SNX29: variants seen among roughly 807,000 people sequenced by gnomAD.
SNX29 encodes the protein sorting nexin-29.
In SNX29, 78 loss-of-function variants were observed where a neutral mutation model predicts 102.1. That is an observed-to-expected ratio of 0.76 (90% confidence interval 0.64 to 0.92). The LOEUF (loss-of-function observed/expected upper bound fraction) is 0.92, where lower values mean the gene tolerates loss of function less well. Among genes scored for constraint, SNX29 ranks in the 40% least tolerant of loss-of-function variants. SNX29 has a pLI of 0.00. For missense variants in SNX29, 1,280 were observed against 1,061.7 expected (o/e 1.21, Z -2.86); for synonymous variants, 580 against 414.5 (o/e 1.40, Z -4.85).
chr16:12,548,486 C>T (rs1394507103), intron 20 of SNX29, among the ~76,000 whole-genome samples: 2 of 152,224 alleles, frequency 1.3e-5, no homozygotes, highest in African/African-American at 2.4e-5. Context: ...TTCAGGATGA[C>T]TAGTCAGGGT....
intron 13 of SNX29, among the ~76,000 whole-genome samples, chr16:12,194,176 A>G (rs1019793013): frequency 6.6e-6 from 1 of 152,156 alleles, no homozygotes; most frequent in Non-Finnish European, 1.5e-5. Flanking sequence ...AGTATTTTGT[A>G]GTTTTCAGCA....
At chr16:12,227,550 A>G (rs564783900) in intron 14 of SNX29, among the ~76,000 whole-genome samples, 2 of 152,268 alleles carry the variant, frequency 1.3e-5, no homozygotes, top group Non-Finnish European at 1.5e-5. Flanking sequence ...ACTGGAGCTT[A>G]TCTTACACAA....
At chr16:12,017,429 A>T (rs2056884547) in intron 3 of SNX29, among the ~76,000 whole-genome samples, 1 of 151,956 alleles carries the variant, frequency 6.6e-6, no homozygotes, top group Non-Finnish European at 1.5e-5. Flanking sequence ...GTAGAAACAG[A>T]GTTTTTGTGA....
chr16:12,547,368 C>T (rs912986941), intron 20 of SNX29, among the ~76,000 whole-genome samples: 4 of 152,136 alleles, frequency 2.6e-5, no homozygotes, highest in African/African-American at 4.8e-5. Flanking sequence ...GTGGAGTCAG[C>T]AAAGGGTAGA....
At chr16:11,987,405 T>A (rs1455605253) in intron 1 of SNX29, among the ~76,000 whole-genome samples, 1 of 9,536 alleles carries the variant, frequency 1.0e-4, no homozygotes, top group Non-Finnish European at 5.4e-4. Flanking sequence ...CTTTTACTCT[T>A]TTTTTTTTTT....
At chr16:12,566,202 G>T (rs1221328093) in intron 20 of SNX29, among the ~76,000 whole-genome samples, 1 of 152,328 alleles carries the variant, frequency 6.6e-6, no homozygotes, top group East Asian at 1.9e-4. Flanking sequence ...TACCACCACA[G>T]TACTAGGATA....
In SNX29 at chr16:12,570,280, G is replaced by C. The variant is rs890893; in HGVS notation, c.*1651G>C. ...CATGTATGGAGGTGCGGACCCTGCA[G>C]TCAGTTTGCGAGTGTGGAGGACCCG... On this transcript the variant is annotated 3_prime_UTR_variant, in exon 21 of 21. Coordinates refer to ENST00000566228, the MANE Select transcript of SNX29 (RefSeq NM_032167.5). 9.4e-7 allele frequency: 1 copy of C among 1,063,564 alleles called. No individual in the cohort carries two copies. Among genetic ancestry groups the C allele is most frequent in the Non-Finnish European group, 1.1e-6 (1 of 878,140 alleles). The allele number at this position is 1,063,564 out of a possible 1,614,324, so 65.9% of individuals were successfully genotyped here.
chr16:12,232,065 T>G (rs1218848749), intron 14 of SNX29, among the ~76,000 whole-genome samples: 1 of 152,196 alleles, frequency 6.6e-6, no homozygotes, highest in Non-Finnish European at 1.5e-5. Flanking sequence ...GTCCTGCCCT[T>G]CTGGTTGTGT....
At chr16:12,171,369 T>A (rs1345175948) in intron 13 of SNX29, among the ~76,000 whole-genome samples, 4 of 152,162 alleles carry the variant, frequency 2.6e-5, no homozygotes, top group Non-Finnish European at 5.9e-5. Context: ...GTTAGTCCCA[T>A]CTTTTGGATC....
chr16:12,027,783 A>G (rs1266357966), intron 4 of SNX29: 2 of 181,418 alleles, frequency 1.1e-5, no homozygotes, highest in African/African-American at 4.8e-5. Flanking sequence ...TGAGGATAGC[A>G]TGGCATTTCA....
intron 19 of SNX29, among the ~76,000 whole-genome samples, chr16:12,506,850 C>T (rs1467988244): frequency 6.6e-6 from 1 of 150,998 alleles, no homozygotes; most frequent in Non-Finnish European, 1.5e-5. Flanking sequence ...CAGCTGAAAC[C>T]TTCTCATCTT....
intron 14 of SNX29, among the ~76,000 whole-genome samples, chr16:12,270,702 G>C (rs1277475389): frequency 2.0e-5 from 3 of 152,016 alleles, no homozygotes; most frequent in Admixed American, 6.6e-5. Context: ...TACATGAAAT[G>C]ATATCACCAT....
intron 13 of SNX29, among the ~76,000 whole-genome samples, chr16:12,196,065 TC>T (rs1567300084): frequency 1.5e-5 from 2 of 137,402 alleles, no homozygotes; most frequent in Non-Finnish European, 3.1e-5. Flanking sequence ...AACCTCCACC[TC>T]CCCGGCTCAA....
At chr16:12,463,391 C>T (rs1206190903) in intron 18 of SNX29, among the ~76,000 whole-genome samples, 1 of 152,180 alleles carries the variant, frequency 6.6e-6, no homozygotes, top group African/African-American at 2.4e-5. Flanking sequence ...TTCCACATGG[C>T]TAAGGAGGCC....
intron 18 of SNX29, among the ~76,000 whole-genome samples, chr16:12,426,520 T>G (rs1277218899): frequency 1.3e-5 from 2 of 152,172 alleles, no homozygotes; most frequent in African/African-American, 4.8e-5. Context: ...AAATATAATG[T>G]GCCTTCACAA....
At chr16:12,086,755 A>G (rs2052217178) in intron 11 of SNX29, 1 of 151,984 alleles carries the variant, frequency 6.6e-6, no homozygotes, top group African/African-American at 2.4e-5. Context: ...TCTTTTTACC[A>G]GTTTAATTTA....
Position 12,403,448 on chromosome 16 carries a change from A to G in SNX29, c.1956A>G (p.Ile652Met). ...GTCTCTCTCTCTTCCTTTTGGTTAGATCAAACCGGGCGCTGATCAACGTCT... is the reference window on the plus strand; with the variant it reads ...GTCTCTCTCTCTTCCTTTTGGTTAGGTCAAACCGGGCGCTGATCAACGTCT... ...SEDQSLSDFE[I>M]SNRALINVWI... The change falls in exon 18 of 21, where the codon ATA (isoleucine) becomes ATG (methionine). Residue 652 changes from isoleucine (I) to methionine (M), a missense_variant and splice_region_variant. Transcript: ENST00000566228. The G allele has an allele frequency of 1.2e-6, 2 of 1,604,746 alleles. No homozygotes were observed. Among genetic ancestry groups the G allele is most frequent in the Non-Finnish European group, 1.7e-6 (2 of 1,175,396 alleles).
At chr16:12,325,281 A>G (rs933658492) in intron 15 of SNX29, among the ~76,000 whole-genome samples, 2 of 152,320 alleles carry the variant, frequency 1.3e-5, no homozygotes, top group East Asian at 1.9e-4. Flanking sequence ...ATTTATTTGC[A>G]TGGTATCATA....
intron 20 of SNX29, among the ~76,000 whole-genome samples, chr16:12,536,924 C>T (rs536209137): frequency 7.9e-5 from 12 of 151,942 alleles, no homozygotes; most frequent in South Asian, 4.2e-4. Flanking sequence ...TGCAGTGAGC[C>T]GAGATCACAG....
Sources: allele counts gnomAD v4.1 joint callset (sites outside exome capture counted in the v4.1 genomes callset), GRCh38; gene constraint gnomAD v4.1.1; transcripts MANE v1.5; gene names NCBI Gene and HGNC (gene_info 2026-07-23, HGNC 2026-07-21).